The following CACNB2 variants were observed in gnomAD, a reference collection of about 807,000 sequenced individuals.
CACNB2 encodes the protein calcium voltage-gated channel auxiliary subunit beta 2.
Under a neutral mutation model 73.3 loss-of-function variants are expected in CACNB2, and 42 were observed. The observed-to-expected ratio is 0.57, with a 90% CI of 0.45 to 0.74. The LOEUF is 0.74. CACNB2 is among the 30% of genes least tolerant of loss of function. The pLI, the probability that CACNB2 is intolerant of heterozygous loss-of-function variation, is 0.00. For missense variants in CACNB2, 940 were observed against 853.0 expected, an observed-to-expected ratio of 1.10 and a Z score of -1.27; for synonymous variants, 348 against 310.3, an observed-to-expected ratio of 1.12 and a Z score of -1.28.
In CACNB2 at chr10:18,344,454, C is replaced by T. The variant is rs532629669; in HGVS notation, c.214-57470C>T. Reference sequence around the variant, plus strand: ...ACATGATCTTGGCTCACTGAAACCTCCACCTTTTGGTTAAAGTGTTTCTCC... The same window carrying T: ...ACATGATCTTGGCTCACTGAAACCTTCACCTTTTGGTTAAAGTGTTTCTCC... On this transcript the variant is annotated intron_variant, in intron 2 of 13. Coordinates refer to ENST00000324631, the MANE Select transcript of CACNB2 (RefSeq NM_201596.3). Among the ~76,000 whole-genome samples the T allele has an allele frequency of 2.0e-5, 3 of 151,984 alleles. No homozygotes were observed. The South Asian group carries it at 6.3e-4, about 32-fold the overall frequency.
chr10:18,185,301 T>A (rs2034098948), intron 2 of CACNB2, among the ~76,000 whole-genome samples: 1 of 152,244 alleles, frequency 6.6e-6, no homozygotes, highest in African/African-American at 2.4e-5. Context: ...AGTTTGTTGG[T>A]AGCTTGATTC....
chr10:18,477,740 G>A (rs2048511276), intron 3 of CACNB2, among the ~76,000 whole-genome samples: 1 of 152,194 alleles, frequency 6.6e-6, no homozygotes, highest in Non-Finnish European at 1.5e-5. Context: ...GGTTAGGGAA[G>A]AGTCACTTAT....
chr10:18,513,315 G>GT (rs2050956490), intron 6 of CACNB2: 1 of 161,316 alleles, frequency 6.2e-6, no homozygotes, highest in Non-Finnish European at 1.3e-5. Flanking sequence ...TACTTATTGA[G>GT]TTTTTTCACC....
intron 6 of CACNB2, among the ~76,000 whole-genome samples, chr10:18,507,944 AT>A (rs1013325686): frequency 1.6e-3 from 233 of 145,702 alleles, no homozygotes; most frequent in Middle Eastern, 3.6e-3. Flanking sequence ...AAACTATAGG[AT>A]TTTTTTTTTT....
chr10:18,241,317 C>T (rs1172435681), intron 2 of CACNB2, among the ~76,000 whole-genome samples: 3 of 152,102 alleles, frequency 2.0e-5, no homozygotes, highest in Admixed American at 1.3e-4. Flanking sequence ...AAATAAAATG[C>T]ATTAAAGAGA....
At chr10:18,207,104 G>T (rs1588700111) in intron 2 of CACNB2, among the ~76,000 whole-genome samples, 2 of 152,152 alleles carry the variant, frequency 1.3e-5, no homozygotes, top group South Asian at 4.1e-4. Context: ...TACCTCCCGG[G>T]TTCAAGTGAT....
chr10:18,165,602 G>C (rs190855624), intron 2 of CACNB2, among the ~76,000 whole-genome samples: 24 of 152,326 alleles, frequency 1.6e-4, no homozygotes, highest in African/African-American at 4.6e-4. Context: ...AATAGAGACA[G>C]TGTCTCACCA....
At chr10:18,536,049 A>G (rs2053540525) in intron 11 of CACNB2, 52 bp from the exon 12 acceptor site, 1 of 1,086,112 alleles carries the variant, frequency 9.2e-7, no homozygotes, top group East Asian at 2.4e-5. Context: ...TGTACCTTGT[A>G]CTTTACCTGG....
intron 2 of CACNB2, among the ~76,000 whole-genome samples, chr10:18,263,885 C>T (rs1269169037): frequency 6.6e-6 from 1 of 152,184 alleles, no homozygotes; most frequent in Admixed American, 6.5e-5. Flanking sequence ...TTATTCTTGA[C>T]ATTATTATTG....
chr10:18,446,830 C>T (rs1384938844), intron 3 of CACNB2, among the ~76,000 whole-genome samples: 5 of 151,916 alleles, frequency 3.3e-5, no homozygotes, highest in Admixed American at 6.6e-5. Context: ...TTTGGAAGGC[C>T]GAGGCAGGAG....
At chr10:18,322,766 C>G (rs531177633) in intron 2 of CACNB2, among the ~76,000 whole-genome samples, 1 of 152,068 alleles carries the variant, frequency 6.6e-6, no homozygotes, top group East Asian at 1.9e-4. Context: ...CCACAGCTGG[C>G]TAAGTCATTT....
At chr10:18,169,800 G>T (rs2033106494) in intron 2 of CACNB2, among the ~76,000 whole-genome samples, 1 of 152,110 alleles carries the variant, frequency 6.6e-6, no homozygotes, top group Admixed American at 6.5e-5. Flanking sequence ...GGAAAACAGG[G>T]TACATCAGTT....
intron 3 of CACNB2, among the ~76,000 whole-genome samples, chr10:18,495,515 G>A (rs139936446): frequency 5.2e-4 from 79 of 150,766 alleles, no homozygotes; most frequent in African/African-American, 1.7e-3. Flanking sequence ...CATCACGCCC[G>A]GCCAAAATAT....
At chr10:18,466,149 A>T (rs1341785035) in intron 3 of CACNB2, among the ~76,000 whole-genome samples, 1 of 152,226 alleles carries the variant, frequency 6.6e-6, no homozygotes, top group Non-Finnish European at 1.5e-5. Flanking sequence ...AAGAATCCCT[A>T]AGTAGCAAAT....
At chr10:18,216,265 C>T (rs1343454344) in intron 2 of CACNB2, among the ~76,000 whole-genome samples, 1 of 152,064 alleles carries the variant, frequency 6.6e-6, no homozygotes, top group Non-Finnish European at 1.5e-5. Flanking sequence ...CCATTGCATT[C>T]CAGCCTGGGC....
At chr10:18,393,517 A>C (rs1157553107) in intron 2 of CACNB2, among the ~76,000 whole-genome samples, 1 of 152,240 alleles carries the variant, frequency 6.6e-6, no homozygotes, top group Non-Finnish European at 1.5e-5. Context: ...TTTTTTAAAA[A>C]AATGAAAGTC....
At chr10:18,402,816 A>G (rs1051678586) in intron 3 of CACNB2, among the ~76,000 whole-genome samples, 5 of 152,206 alleles carry the variant, frequency 3.3e-5, no homozygotes, top group African/African-American at 1.2e-4. Context: ...CAATGAACCT[A>G]TTTTAACATG....
intron 7 of CACNB2, chr10:18,514,878 GTTA>G: frequency 1.2e-6 from 1 of 803,392 alleles, no homozygotes; most frequent in Non-Finnish European, 2.1e-6. Context: ...TATTAAAGCA[GTTA>G]TTAAATTCTG....
chr10:18,242,489 T>C (rs2131511237), intron 2 of CACNB2, among the ~76,000 whole-genome samples: 1 of 152,308 alleles, frequency 6.6e-6, no homozygotes, highest in African/African-American at 2.4e-5. Flanking sequence ...CATACTGTTA[T>C]TTTAAAATAG....
Sources: gnomAD v4.1 joint callset for allele counts (sites outside exome capture counted in the v4.1 genomes callset) on GRCh38, gnomAD v4.1.1 for gene constraint, MANE v1.5 for transcripts, NCBI Gene and HGNC (gene_info 2026-07-23, HGNC 2026-07-21) for gene names.